Variants in PTPRM observed in about 807,000 individuals in gnomAD.
PTPRM encodes the protein protein tyrosine phosphatase receptor type M.
A neutral mutation model predicts 186.7 loss-of-function variants in PTPRM; 47 were observed. That is an observed-to-expected ratio of 0.25 (90% CI 0.20 to 0.32). The LOEUF is 0.32. Ranked by LOEUF, PTPRM falls within the 10% of genes least tolerant of loss-of-function variation. The pLI, the probability that PTPRM is intolerant of heterozygous loss-of-function variation, is 1.00. For missense variants in PTPRM, 1,494 were observed against 1,865.0 expected (o/e 0.80, Z 3.66); for synonymous variants, 668 against 674.9 (o/e 0.99, Z 0.16).
At chr18:7,581,090 G>A (rs953916110) in intron 1 of PTPRM, among the ~76,000 whole-genome samples, 1 of 152,156 alleles carries the variant, frequency 6.6e-6, no homozygotes, top group African/African-American at 2.4e-5. Context: ...AGATTCAAAT[G>A]CATGTTTTGT....
At chr18:7,728,086 T>TC (rs1307482454) in intron 1 of PTPRM, among the ~76,000 whole-genome samples, 2 of 152,230 alleles carry the variant, frequency 1.3e-5, no homozygotes, top group African/African-American at 4.8e-5. Context: ...CCCAAGTTCT[T>TC]CAAGTTTTAC....
chr18:8,275,691 C>T (rs774247024), intron 19 of PTPRM, among the ~76,000 whole-genome samples: 19 of 152,280 alleles, frequency 1.2e-4, no homozygotes, highest in South Asian at 4.1e-4. Flanking sequence ...AAAAGGGATT[C>T]GTGTCTATTT....
intron 1 of PTPRM, among the ~76,000 whole-genome samples, chr18:7,678,134 A>T (rs1234581648): frequency 6.6e-6 from 1 of 152,214 alleles, no homozygotes; most frequent in East Asian, 1.9e-4. Flanking sequence ...AGGACTTAGG[A>T]CATTGTCCCT....
chr18:7,597,976 C>T (rs2037308255), intron 1 of PTPRM, among the ~76,000 whole-genome samples: 2 of 151,854 alleles, frequency 1.3e-5, no homozygotes, highest in African/African-American at 4.8e-5. Flanking sequence ...CGTTCCAGGC[C>T]TGAAACAATG....
chr18:7,771,988 C>T (rs896601811), intron 1 of PTPRM, among the ~76,000 whole-genome samples: 2 of 152,174 alleles, frequency 1.3e-5, no homozygotes, highest in African/African-American at 4.8e-5. Flanking sequence ...GTACAAAAGC[C>T]GTATGGGATT....
chr18:7,663,135 C>T (rs2039016271), intron 1 of PTPRM, among the ~76,000 whole-genome samples: 2 of 151,960 alleles, frequency 1.3e-5, no homozygotes, highest in African/African-American at 4.8e-5. Flanking sequence ...CCTGCTTGCA[C>T]AGTCCTAACT....
At chr18:8,305,618 C>G (rs1224221631) in intron 20 of PTPRM, among the ~76,000 whole-genome samples, 5 of 152,192 alleles carry the variant, frequency 3.3e-5, no homozygotes, top group African/African-American at 9.7e-5. Context: ...GGATCCTAAC[C>G]TCCGTGCTCC....
At chr18:7,864,708 A>C (rs1271049635) in intron 2 of PTPRM, among the ~76,000 whole-genome samples, 1 of 152,098 alleles carries the variant, frequency 6.6e-6, no homozygotes, top group East Asian at 1.9e-4. Context: ...ATGATATTTA[A>C]AGTAGTTTTT....
intron 1 of PTPRM, among the ~76,000 whole-genome samples, chr18:7,606,222 G>A (rs576751130): frequency 1.3e-5 from 2 of 152,192 alleles, no homozygotes; most frequent in East Asian, 3.9e-4. Flanking sequence ...GCAAGTGGTT[G>A]CCATTCCTTG....
chr18:7,623,637 A>T (rs2037992737), intron 1 of PTPRM, among the ~76,000 whole-genome samples: 1 of 152,110 alleles, frequency 6.6e-6, no homozygotes, highest in Non-Finnish European at 1.5e-5. Context: ...GGCTCCTAAC[A>T]GTTTTTCATT....
chr18:7,817,322 A>G (rs912069368), intron 2 of PTPRM, among the ~76,000 whole-genome samples: 2 of 152,204 alleles, frequency 1.3e-5, no homozygotes, highest in East Asian at 1.9e-4. Context: ...ATATATTGCT[A>G]TAACGGGTAT....
intron 14 of PTPRM, among the ~76,000 whole-genome samples, chr18:8,150,962 G>T (rs1000846680): frequency 6.6e-6 from 1 of 152,148 alleles, no homozygotes; most frequent in African/African-American, 2.4e-5. Context: ...AGCGGAGACA[G>T]CAGACCAGCA....
chr18:7,623,240 A>G (rs1032096150), intron 1 of PTPRM, among the ~76,000 whole-genome samples: 2 of 152,116 alleles, frequency 1.3e-5, no homozygotes, highest in Admixed American at 6.6e-5. Flanking sequence ...AAAAATATGT[A>G]TTGGGTGTCA....
intron 1 of PTPRM, among the ~76,000 whole-genome samples, chr18:7,616,832 G>C (rs1356107654): frequency 6.6e-6 from 1 of 152,094 alleles, no homozygotes. Context: ...GTTCTCACTC[G>C]CATGGCCAAG....
intron 23 of PTPRM, among the ~76,000 whole-genome samples, chr18:8,352,652 G>GTTTTTTTTTTTTTTTTTTTT (rs142090056): frequency 2.0e-5 from 2 of 102,224 alleles, no homozygotes; most frequent in African/African-American, 3.3e-5. Flanking sequence ...TTTTTGGTTT[G>GTTTTTTTTTTTTTTTTTTTT]GTTTTTTTTG....
intron 2 of PTPRM, among the ~76,000 whole-genome samples, chr18:7,777,704 T>A (rs933818354): frequency 1.3e-5 from 2 of 152,222 alleles, no homozygotes; most frequent in African/African-American, 4.8e-5. Context: ...CATTGGGCTA[T>A]CAAAATCAGT....
chr18:7,915,416 A>G (rs2050497763), intron 4 of PTPRM, among the ~76,000 whole-genome samples: 1 of 152,132 alleles, frequency 6.6e-6, no homozygotes, highest in South Asian at 2.1e-4. Context: ...GGTGGTATAC[A>G]CCTGATGTTA....
intron 31 of PTPRM, among the ~76,000 whole-genome samples, chr18:8,390,935 AAATAATAATAAT>A (rs71356213): frequency 0.056 from 7,974 of 143,358 alleles, 728 homozygotes; most frequent in African/African-American, 0.19. Context: ...CTCAAAAAGA[AAATAATAATAAT>A]AATAATAATA....
At chr18:8,275,000 A>G (rs895055797) in intron 19 of PTPRM, among the ~76,000 whole-genome samples, 10 of 152,244 alleles carry the variant, frequency 6.6e-5, no homozygotes, top group Admixed American at 2.0e-4. Flanking sequence ...TTCTTCTGCA[A>G]CCTGCAACTG....
Sources: allele counts gnomAD v4.1 joint callset (sites outside exome capture counted in the v4.1 genomes callset), GRCh38; gene constraint gnomAD v4.1.1; transcripts MANE v1.5; gene names NCBI Gene and HGNC (gene_info 2026-07-23, HGNC 2026-07-21).